Variants in TMEM65 observed in about 807,000 individuals in gnomAD.
The protein encoded by TMEM65 is transmembrane protein 65.
Under a neutral mutation model 25.4 loss-of-function variants are expected in TMEM65, and 22 were observed. That is an observed-to-expected ratio of 0.86 (90% CI 0.62 to 1.23). The LOEUF is 1.23. Ranked by LOEUF, TMEM65 falls within the 50% of genes most tolerant of loss-of-function variation. The pLI is 0.00. For missense variants in TMEM65, 262 were observed against 308.2 expected, an observed-to-expected ratio of 0.85 and a Z score of 1.12; for synonymous variants, 132 against 126.2, an observed-to-expected ratio of 1.05 and a Z score of -0.31.
intron 1 of TMEM65, among the ~76,000 whole-genome samples, chr8:124,360,899 A>T (rs558479177): frequency 1.2e-4 from 19 of 152,370 alleles, no homozygotes; most frequent in African/African-American, 4.3e-4. Flanking sequence ...AATATTTGAT[A>T]AATAAAACTA....
At chr8:124,319,501 C>T (rs973969669) in intron 6 of TMEM65, among the ~76,000 whole-genome samples, 1 of 152,012 alleles carries the variant, frequency 6.6e-6, no homozygotes, top group Admixed American at 6.6e-5. Context: ...TTCCTAAAGT[C>T]GGTTCTTGTA....
intron 1 of TMEM65, among the ~76,000 whole-genome samples, chr8:124,354,871 T>A (rs1233154864): frequency 6.6e-6 from 1 of 152,130 alleles, no homozygotes; most frequent in Non-Finnish European, 1.5e-5. Flanking sequence ...GGGCATCATA[T>A]CAGAAACTTA....
intron 6 of TMEM65, among the ~76,000 whole-genome samples, chr8:124,318,325 T>G (rs927595031): frequency 7.0e-6 from 1 of 142,174 alleles, no homozygotes; most frequent in East Asian, 2.3e-4. Flanking sequence ...AAATGAGAGA[T>G]AACAAATATA....
Position 124,307,689 on chromosome 8 carries a change from C to G in TMEM65, c.*6271G>C, listed in dbSNP as rs1304533406. 2 of 151,896 alleles carry G rather than the reference C, an allele frequency of 1.3e-5. No individual in the cohort carries two copies. Among genetic ancestry groups the G allele is most frequent in the African/African-American group, 4.8e-5 (2 of 41,336 alleles). The allele number at this position is 151,896 out of a possible 1,614,324, so 9.4% of individuals were successfully genotyped here. A position where few individuals can be genotyped will look rare whatever the true frequency, so the allele number is the denominator to read the frequency against. ...CTAAATCTAGAGAATTTAATGCCAG[C>G]AAAGGATGGCTTGATAATATTAGAA... On this transcript the variant is annotated 3_prime_UTR_variant, in exon 7 of 7. Coordinates refer to ENST00000297632, the MANE Select transcript of TMEM65 (RefSeq NM_194291.3).
At chr8:124,342,191 T>C (rs1307285829) in intron 1 of TMEM65, among the ~76,000 whole-genome samples, 3 of 152,098 alleles carry the variant, frequency 2.0e-5, no homozygotes, top group Non-Finnish European at 4.4e-5. Context: ...TCATGGCCAT[T>C]GTAAGTTTTA....
At chr8:124,352,508 AAAAT>A (rs1814724451) in intron 1 of TMEM65, among the ~76,000 whole-genome samples, 1 of 146,910 alleles carries the variant, frequency 6.8e-6, no homozygotes, top group Non-Finnish European at 1.5e-5. Context: ...AAAATAAAAT[AAAAT>A]AAAATAAAAT....
At chr8:124,318,994 G>T (rs925183373) in intron 6 of TMEM65, among the ~76,000 whole-genome samples, 1 of 151,958 alleles carries the variant, frequency 6.6e-6, no homozygotes, top group African/African-American at 2.4e-5. Context: ...TTATCAGATT[G>T]TTTATTGTCT....
intron 1 of TMEM65, among the ~76,000 whole-genome samples, chr8:124,347,108 T>G (rs1045541205): frequency 6.6e-6 from 1 of 152,158 alleles, no homozygotes; most frequent in Non-Finnish European, 1.5e-5. Context: ...CCAAGTTATA[T>G]ACTTACAAAA....
intron 1 of TMEM65, among the ~76,000 whole-genome samples, chr8:124,345,734 A>ATTATTTATTTATTTATTTAT (rs146382797): frequency 1.0e-4 from 15 of 150,118 alleles, no homozygotes; most frequent in African/African-American, 2.7e-4. Context: ...AAGGAGGTTT[A>ATTATTTATTTATTTATTTAT]TTATTTATTT....
At chr8:124,318,872 G>A (rs1374217506) in intron 6 of TMEM65, among the ~76,000 whole-genome samples, 3 of 152,104 alleles carry the variant, frequency 2.0e-5, no homozygotes, top group Admixed American at 1.3e-4. Context: ...CTCTCCTATT[G>A]AATATTGCAG....
intron 1 of TMEM65, among the ~76,000 whole-genome samples, chr8:124,345,869 G>A (rs1399269967): frequency 6.6e-6 from 1 of 152,060 alleles, no homozygotes; most frequent in Admixed American, 6.6e-5. Context: ...TCAGCCTCCA[G>A]AGTAGCTGGG....
chr8:124,338,920 G>C (rs1028599945), intron 1 of TMEM65, among the ~76,000 whole-genome samples: 3 of 152,094 alleles, frequency 2.0e-5, no homozygotes, highest in South Asian at 4.1e-4. Context: ...GCCAGGCCTG[G>C]TGGCTCACGC....
At chr8:124,368,371 T>A (rs1465799313) in intron 1 of TMEM65, among the ~76,000 whole-genome samples, 2 of 150,538 alleles carry the variant, frequency 1.3e-5, no homozygotes, top group African/African-American at 4.9e-5. Context: ...GAGCATTAAT[T>A]ACACCACCTT....
At chr8:124,328,867 G>A (rs1052273416) in intron 2 of TMEM65, among the ~76,000 whole-genome samples, 5 of 151,622 alleles carry the variant, frequency 3.3e-5, no homozygotes, top group African/African-American at 1.2e-4. Context: ...ATAAAAATTC[G>A]ATATTACTAT....
In TMEM65 at chr8:124,372,114, C is replaced by A. The variant is rs1272181192; in HGVS notation, c.44G>T (p.Ser15Ile). Residue 15 changes from serine (S) to isoleucine (I), a missense_variant, in exon 1 of 7, where the codon AGC (serine) becomes ATC (isoleucine). Ser to Ile is a moderately radical substitution (Grantham distance 142). Coordinates refer to ENST00000297632, the MANE Select transcript of TMEM65 (RefSeq NM_194291.3). ...GGCGGCGGCCGGGCCCGGCCTCAGG[C>A]TGCGCGCGGTCCGGCTCCTCAGCAG... Reference protein sequence around the residue: ...LPLLRSRTARSLRPGPAAAAA... With the variant: ...LPLLRSRTARILRPGPAAAAA... 1.4e-5 allele frequency: 16 copies of A among 1,150,966 alleles called. No homozygotes were observed. The African/African-American group carries it at 2.5e-4, about 18-fold the overall frequency. 71.3% of individuals were successfully genotyped at this position (1,150,966 alleles called of 1,614,324 possible).
At chr8:124,347,913 G>A (rs1239012347) in intron 1 of TMEM65, among the ~76,000 whole-genome samples, 5 of 148,236 alleles carry the variant, frequency 3.4e-5, no homozygotes, top group South Asian at 2.1e-4. Context: ...TTTTTGAGGC[G>A]GAGTTTTGCT....
chr8:124,363,799 T>C (rs1814902370), intron 1 of TMEM65, among the ~76,000 whole-genome samples: 1 of 115,248 alleles, frequency 8.7e-6, no homozygotes. Flanking sequence ...ATCCCGCCAC[T>C]GCACTCCAGC....
chr8:124,348,559 A>G (rs1814669448), intron 1 of TMEM65, among the ~76,000 whole-genome samples: 1 of 152,184 alleles, frequency 6.6e-6, no homozygotes, highest in South Asian at 2.1e-4. Context: ...TTAAAAAATC[A>G]TATAGCTATG....
At chr8:124,327,484 C>T in intron 2 of TMEM65, 63 bp from the exon 3 acceptor site, 6 of 1,082,210 alleles carry the variant, frequency 5.5e-6, no homozygotes, top group Non-Finnish European at 8.0e-6. Flanking sequence ...ATGACAAAAA[C>T]AGATGATATG....
Sources: allele counts gnomAD v4.1 joint callset (sites outside exome capture counted in the v4.1 genomes callset), GRCh38; gene constraint gnomAD v4.1.1; transcripts MANE v1.5; gene names NCBI Gene and HGNC (gene_info 2026-07-23, HGNC 2026-07-21).